The following TNFAIP6 variants were observed in gnomAD, a reference collection of about 807,000 sequenced individuals.
The protein encoded by TNFAIP6 is tumor necrosis factor-inducible gene 6 protein.
In TNFAIP6, 36 loss-of-function variants were observed where a neutral mutation model predicts 33.7. That is an observed-to-expected ratio of 1.07 (90% CI 0.82 to 1.41). The LOEUF (loss-of-function observed/expected upper bound fraction) is 1.41, where lower values mean the gene tolerates loss of function less well. TNFAIP6 is among the 40% of genes most tolerant of loss of function. TNFAIP6 has a pLI of 0.00. For synonymous variants in TNFAIP6, 113 were observed against 112.8 expected, an observed-to-expected ratio of 1.00 and a Z score of -0.01; for missense variants, 273 against 331.9, an observed-to-expected ratio of 0.82 and a Z score of 1.38.
At chr2:151,372,466 T>C (rs1321124108) in intron 4 of TNFAIP6, among the ~76,000 whole-genome samples, 6 of 152,290 alleles carry the variant, frequency 3.9e-5, no homozygotes, top group African/African-American at 1.4e-4. Flanking sequence ...TCCTTTCAAG[T>C]CATGATTCAG....
intron 1 of TNFAIP6, among the ~76,000 whole-genome samples, chr2:151,358,778 G>A (rs889821702): frequency 2.6e-5 from 4 of 152,188 alleles, no homozygotes; most frequent in East Asian, 1.9e-4. Flanking sequence ...CAGCCTTGCC[G>A]CCTATTTTTT....
intron 4 of TNFAIP6, 148 bp downstream of exon 4, chr2:151,370,396 T>A: frequency 1.5e-6 from 1 of 652,972 alleles, no homozygotes; most frequent in Non-Finnish European, 2.6e-6. Flanking sequence ...AACAAAGATT[T>A]TTCTTAGCTG....
chr2:151,359,847 C>G (rs900935564), intron 1 of TNFAIP6, among the ~76,000 whole-genome samples: 3 of 152,118 alleles, frequency 2.0e-5, no homozygotes, highest in African/African-American at 7.2e-5. Context: ...ATCCCTAAGG[C>G]TTATTTTAAC....
chr2:151,361,528 A>T (rs779949318), intron 1 of TNFAIP6, among the ~76,000 whole-genome samples: 41 of 152,320 alleles, frequency 2.7e-4, no homozygotes, highest in Admixed American at 6.5e-4. Context: ...CTTAGGAAAT[A>T]TAATTTTTAA....
At chr2:151,371,411 A>G (rs992141293) in intron 4 of TNFAIP6, among the ~76,000 whole-genome samples, 3 of 152,218 alleles carry the variant, frequency 2.0e-5, no homozygotes, top group Admixed American at 6.5e-5. Flanking sequence ...CATGATAGTA[A>G]TTTAATGGGG....
rs1426798974 is a variant in TNFAIP6, at chr2:151,363,989, C to A, written c.141C>A (p.Tyr47Ter). The A allele has an allele frequency of 1.2e-6, 2 of 1,613,942 alleles. No individual in the cohort carries two copies. Among genetic ancestry groups the A allele is most frequent in the East Asian group, 4.5e-5 (2 of 44,876 alleles). ...ACAGAGAAGCACGGTCTGGCAAATA[C>A]AAGCTCACCTACGCAGAAGCTAAGG... is the stretch of plus-strand genomic sequence containing the variant. ...VYHREARSGKYKLTYAEAKAV... is the reference protein window; with the variant it reads ...VYHREARSGK The change falls in exon 2 of 6, where the codon TAC becomes TAA. Residue 47 changes from tyrosine to a stop codon, truncating the protein, a stop_gained. Coordinates refer to ENST00000243347, the MANE Select transcript of TNFAIP6 (RefSeq NM_007115.4). LOFTEE classifies it high-confidence loss of function.
intron 2 of TNFAIP6, 45 bp downstream of exon 2, chr2:151,364,125 G>GA (rs748269349): frequency 1.0e-5 from 16 of 1,594,618 alleles, no homozygotes; most frequent in Middle Eastern, 1.7e-4. Flanking sequence ...ATCCTTGGAG[G>GA]AAAAAAATCC....
intron 4 of TNFAIP6, 54 bp downstream of exon 4, chr2:151,370,302 A>G: frequency 7.5e-7 from 1 of 1,326,086 alleles, no homozygotes; most frequent in Non-Finnish European, 1.1e-6. Context: ...ATTTTGTTTG[A>G]TGCTTCTTTA....
chr2:151,365,944 G>A (rs1056220575), intron 2 of TNFAIP6, 112 bp from the exon 3 acceptor site: 45 of 987,558 alleles, frequency 4.6e-5, no homozygotes, highest in Non-Finnish European at 1.4e-5. Flanking sequence ...ACATGAACTG[G>A]ATTTGACCAG....
intron 1 of TNFAIP6, among the ~76,000 whole-genome samples, 198 bp downstream of exon 1, chr2:151,357,958 A>AT (rs1219272698): frequency 6.6e-6 from 1 of 152,022 alleles, no homozygotes; most frequent in Non-Finnish European, 1.5e-5. Flanking sequence ...TAAAAATAGC[A>AT]TTTTATAAAG....
At chr2:151,369,676 G>A in intron 3 of TNFAIP6, among the ~76,000 whole-genome samples, 1 of 152,156 alleles carries the variant, frequency 6.6e-6, no homozygotes, top group Non-Finnish European at 1.5e-5. Context: ...TTAGGAGGCT[G>A]AAGTGGGAGG....
At chr2:151,376,631 T>C (rs1250837682) in intron 5 of TNFAIP6, among the ~76,000 whole-genome samples, 1 of 152,064 alleles carries the variant, frequency 6.6e-6, no homozygotes, top group Non-Finnish European at 1.5e-5. Context: ...CATGTCAGAG[T>C]ATGATATTTA....
intron 1 of TNFAIP6, among the ~76,000 whole-genome samples, chr2:151,359,872 AT>A (rs1684596819): frequency 6.6e-6 from 1 of 152,234 alleles, no homozygotes; most frequent in Non-Finnish European, 1.5e-5. Flanking sequence ...GTATCATCTA[AT>A]TTTTAAAATA....
chr2:151,361,919 C>T (rs1229944020), intron 1 of TNFAIP6, among the ~76,000 whole-genome samples: 1 of 152,158 alleles, frequency 6.6e-6, no homozygotes, highest in East Asian at 1.9e-4. Context: ...TGTATAAGAG[C>T]AGGATCCTTG....
At chr2:151,381,262 G>C (rs1263018564), downstream of TNFAIP6, among the ~76,000 whole-genome samples, 1 of 152,016 alleles carries the variant, frequency 6.6e-6, no homozygotes, top group Admixed American at 6.6e-5. Context: ...CTTGAGCTCA[G>C]GAGTTCAAAA....
chr2:151,366,347 C>T, intron 3 of TNFAIP6, 130 bp downstream of exon 3: 1 of 776,744 alleles, frequency 1.3e-6, no homozygotes. Flanking sequence ...CTAATAACTA[C>T]AATTCATAAA....
chr2:151,368,104 C>T (rs1438954948), intron 3 of TNFAIP6, among the ~76,000 whole-genome samples: 3 of 151,898 alleles, frequency 2.0e-5, no homozygotes, highest in Non-Finnish European at 4.4e-5. Context: ...CTAAAGCTGG[C>T]AATGTACATC....
chr2:151,369,839 T>A (rs1029249039), intron 3 of TNFAIP6, among the ~76,000 whole-genome samples, 181 bp from the exon 4 acceptor site: 1 of 152,182 alleles, frequency 6.6e-6, no homozygotes, highest in African/African-American at 2.4e-5. Context: ...TTAGTAACTA[T>A]TGATGAAAAA....
intron 1 of TNFAIP6, among the ~76,000 whole-genome samples, chr2:151,359,721 A>G (rs1260393652): frequency 6.6e-6 from 1 of 152,138 alleles, no homozygotes; most frequent in Non-Finnish European, 1.5e-5. Context: ...AAAGTTTACA[A>G]ATTTGTGTTG....
Sources: allele counts gnomAD v4.1 joint callset (sites outside exome capture counted in the v4.1 genomes callset), GRCh38; gene constraint gnomAD v4.1.1; transcripts MANE v1.5; gene names NCBI Gene and HGNC (gene_info 2026-07-23, HGNC 2026-07-21).